Variants in PELI2 observed in about 807,000 individuals in gnomAD.
PELI2 encodes pellino E3 ubiquitin protein ligase family member 2, also known as E3 ubiquitin-protein ligase pellino homolog 2.
A neutral mutation model predicts 42.3 loss-of-function variants in PELI2; 23 were observed. The ratio of observed to expected loss-of-function variants is 0.54; its 90% CI spans 0.39 to 0.77. The LOEUF is 0.77. Ranked by LOEUF, PELI2 falls within the 30% of genes least tolerant of loss-of-function variation. PELI2 has a pLI of 0.00. For missense variants in PELI2, 463 were observed against 553.2 expected, an observed-to-expected ratio of 0.84 and a Z score of 1.64; for synonymous variants, 245 against 212.2, an observed-to-expected ratio of 1.15 and a Z score of -1.34.
intron 1 of PELI2, among the ~76,000 whole-genome samples, chr14:56,150,743 A>C (rs1392875099): frequency 1.3e-5 from 2 of 152,200 alleles, no homozygotes; most frequent in African/African-American, 4.8e-5. Context: ...ACGACAAAGA[A>C]GCCAAGTTTA....
intron 2 of PELI2, among the ~76,000 whole-genome samples, chr14:56,277,750 T>G: frequency 6.6e-6 from 1 of 152,160 alleles, no homozygotes; most frequent in South Asian, 2.1e-4. Flanking sequence ...GGAGAAATAC[T>G]TAAATGTTAA....
intron 1 of PELI2, among the ~76,000 whole-genome samples, chr14:56,136,093 A>G (rs1883680561): frequency 1.3e-5 from 2 of 152,240 alleles, no homozygotes; most frequent in South Asian, 2.1e-4. Flanking sequence ...CCATTTATAC[A>G]TGTTATTCTT....
intron 1 of PELI2, among the ~76,000 whole-genome samples, chr14:56,128,143 T>C (rs1311061969): frequency 6.6e-6 from 1 of 152,140 alleles, no homozygotes; most frequent in Non-Finnish European, 1.5e-5. Context: ...TAAACACTGA[T>C]CATTCAGTTT....
intron 2 of PELI2, among the ~76,000 whole-genome samples, chr14:56,221,717 G>T (rs1369247979): frequency 6.6e-6 from 1 of 152,184 alleles, no homozygotes; most frequent in East Asian, 1.9e-4. Context: ...TCGGTGAATG[G>T]GTGATTCTAT....
chr14:56,216,494 C>T (rs1886909961), intron 2 of PELI2, among the ~76,000 whole-genome samples: 1 of 152,236 alleles, frequency 6.6e-6, no homozygotes, highest in Admixed American at 6.5e-5. Context: ...AAGACATAGG[C>T]TGTTCTGTGC....
chr14:56,224,280 G>A (rs1260714498), intron 2 of PELI2, among the ~76,000 whole-genome samples: 1 of 152,164 alleles, frequency 6.6e-6, no homozygotes, highest in Non-Finnish European at 1.5e-5. Flanking sequence ...TCATAGAGAC[G>A]TGATTTAGAC....
intron 2 of PELI2, among the ~76,000 whole-genome samples, chr14:56,272,165 G>A (rs1474657544): frequency 6.6e-6 from 1 of 152,188 alleles, no homozygotes; most frequent in Non-Finnish European, 1.5e-5. Flanking sequence ...CCAGACTATT[G>A]TGTGGCCCAG....
At chr14:56,140,038 T>G (rs1883843929) in intron 1 of PELI2, among the ~76,000 whole-genome samples, 1 of 151,654 alleles carries the variant, frequency 6.6e-6, no homozygotes, top group African/African-American at 2.4e-5. Context: ...CTTCTCTTTT[T>G]CCTGCCTTGT....
intron 2 of PELI2, among the ~76,000 whole-genome samples, chr14:56,228,762 G>C (rs1887451444): frequency 6.6e-6 from 1 of 152,194 alleles, no homozygotes; most frequent in African/African-American, 2.4e-5. Context: ...TTGGACAGTG[G>C]GTGCAGCCCA....
chr14:56,285,556 G>A (rs777284139), intron 3 of PELI2, among the ~76,000 whole-genome samples: 1 of 151,972 alleles, frequency 6.6e-6, no homozygotes, highest in Admixed American at 6.6e-5. Context: ...GGGAAGGGGG[G>A]ACTATTTACC....
intron 2 of PELI2, among the ~76,000 whole-genome samples, chr14:56,186,589 G>C (rs996727125): frequency 1.3e-5 from 2 of 152,144 alleles, no homozygotes; most frequent in African/African-American, 4.8e-5. Flanking sequence ...TTAATCTCGT[G>C]GTGGGGGAAA....
intron 1 of PELI2, 63 bp downstream of exon 1, chr14:56,118,800 C>A: frequency 2.6e-6 from 3 of 1,150,904 alleles, no homozygotes; most frequent in Non-Finnish European, 3.6e-6. Context: ...CATCCTGGAG[C>A]GGGGCTGGCG....
rs1889184035 is a variant in PELI2 at position 56,273,694 on chromosome 14, A to G, written c.208-5982A>G. Among the ~76,000 whole-genome samples the G allele has an allele frequency of 1.3e-5, 2 of 152,336 alleles. No individual in the cohort carries two copies. The highest frequency in any genetic ancestry group is 1.9e-4 in the East Asian group (1 of 5,188). On this transcript the variant is annotated intron_variant, in intron 2 of 5. Coordinates refer to ENST00000267460, the MANE Select transcript of PELI2 (RefSeq NM_021255.3). This position sits in a 1 kb window ranked among gnomAD's most constrained non-coding sequence, Gnocchi z 4.3. ...CTAACTGTATGTGAACAACAGTGGC[A>G]AGAGAGGGCTCAGGGGTGACATGAA...
Position 56,288,695 on chromosome 14 carries a change from ATTT to A in PELI2, c.507+62_507+64del. On this transcript the variant is annotated intron_variant, in intron 4 of 5. Transcript: ENST00000267460. The surrounding 1 kb of genome is among the most constrained non-coding windows in gnomAD (Gnocchi z 4.6). ...AATGCTTGTGATTATGATATGGAAC[ATTT>A]AATTGGAGCAAAAAAAAATTGGCTT... The A allele has an allele frequency of 1.6e-6, 2 of 1,261,002 alleles. No homozygotes were observed. Among genetic ancestry groups the A allele is most frequent in the Admixed American group, 5.0e-5 (2 of 40,394 alleles). 78.1% of individuals were successfully genotyped at this position (1,261,002 alleles called of 1,614,324 possible). A position where few individuals can be genotyped will look rare whatever the true frequency, so the allele number is the denominator to read the frequency against.
At chr14:56,218,283 T>A (rs1886984740) in intron 2 of PELI2, among the ~76,000 whole-genome samples, 1 of 150,592 alleles carries the variant, frequency 6.6e-6, no homozygotes, top group Non-Finnish European at 1.5e-5. Context: ...CCTAGAGAAT[T>A]TTTTTTGTCT....
At chr14:56,126,778 C>T (rs1176428574) in intron 1 of PELI2, among the ~76,000 whole-genome samples, 4 of 152,014 alleles carry the variant, frequency 2.6e-5, no homozygotes, top group South Asian at 2.1e-4. Context: ...GCCCTTCCTG[C>T]GGAAGGATTG....
chr14:56,233,734 C>G (rs1470741541), intron 2 of PELI2, among the ~76,000 whole-genome samples: 1 of 152,136 alleles, frequency 6.6e-6, no homozygotes, highest in Non-Finnish European at 1.5e-5. Flanking sequence ...GCAATGGCAA[C>G]AAAAGGCAAA....
At chr14:56,178,607 G>A in intron 2 of PELI2, 143 bp downstream of exon 2, 1 of 957,534 alleles carries the variant, frequency 1.0e-6, no homozygotes, top group Non-Finnish European at 1.6e-6. Context: ...TTTGTTGTGA[G>A]GGGCTGTGCT....
intron 2 of PELI2, among the ~76,000 whole-genome samples, chr14:56,187,621 A>T (rs1454008404): frequency 1.3e-5 from 2 of 152,174 alleles, no homozygotes; most frequent in Non-Finnish European, 2.9e-5. Flanking sequence ...TTTTCACGTT[A>T]AAGTGCGTGA....
Sources: allele counts gnomAD v4.1 joint callset (sites outside exome capture counted in the v4.1 genomes callset), GRCh38; gene constraint gnomAD v4.1.1; non-coding constraint Gnocchi (gnomAD v3.1); transcripts MANE v1.5; gene names NCBI Gene and HGNC (gene_info 2026-07-23, HGNC 2026-07-21).